MTA3: variants seen among roughly 807,000 people sequenced by gnomAD.
MTA3 encodes metastasis-associated protein MTA3.
A neutral mutation model predicts 83.5 loss-of-function variants in MTA3; 34 were observed. The ratio of observed to expected loss-of-function variants is 0.41; its 90% CI spans 0.31 to 0.54. The LOEUF (loss-of-function observed/expected upper bound fraction) is 0.54, where lower values mean the gene tolerates loss of function less well. Ranked by LOEUF, MTA3 falls within the 20% of genes least tolerant of loss-of-function variation. The probability of loss-of-function intolerance (pLI) is 0.33; values close to 1 mark genes in which losing one functional copy is unlikely to be tolerated. For missense variants in MTA3, 761 were observed against 726.4 expected (o/e 1.05, Z -0.55); for synonymous variants, 303 against 252.7 (o/e 1.20, Z -1.89).
rs995733257 is a variant in MTA3 at position 42,653,040 on chromosome 2, A to G, written c.500-3160A>G. Reference sequence around the variant, plus strand: ...GAACAACACTGTGCTCAAAATTCTTAAGAAGTACTTTGTCAGTATTTTGTA... The same window carrying G: ...GAACAACACTGTGCTCAAAATTCTTGAGAAGTACTTTGTCAGTATTTTGTA... On this transcript the variant is annotated intron_variant, in intron 6 of 16. Coordinates refer to ENST00000405094, the MANE Select transcript of MTA3 (RefSeq NM_001330442.2). Among the ~76,000 whole-genome samples the G allele has an allele frequency of 2.6e-5, 4 of 152,246 alleles. No individual in the cohort carries two copies. In the East Asian group the frequency reaches 7.7e-4, roughly 29 times the overall value.
intron 4 of MTA3, among the ~76,000 whole-genome samples, chr2:42,624,910 A>G (rs1055018880): frequency 1.4e-4 from 21 of 152,106 alleles, no homozygotes; most frequent in African/African-American, 4.1e-4. Flanking sequence ...CATGTTATCT[A>G]TTTCCTCTCT....
intron 6 of MTA3, among the ~76,000 whole-genome samples, chr2:42,647,013 G>A (rs185236447): frequency 0.014 from 2,134 of 151,154 alleles, 51 homozygotes; most frequent in African/African-American, 0.048. Context: ...AAAATTAGCC[G>A]GGCGTGGTGG....
chr2:42,550,402 G>A (rs368512095), intron 2 of MTA3, among the ~76,000 whole-genome samples: 17 of 152,276 alleles, frequency 1.1e-4, no homozygotes, highest in East Asian at 9.7e-4. Context: ...AAGCATCTCC[G>A]AAGATAAGGT....
chr2:42,587,983 C>A (rs1680541265), intron 3 of MTA3, among the ~76,000 whole-genome samples: 1 of 152,072 alleles, frequency 6.6e-6, no homozygotes, highest in African/African-American at 2.4e-5. Flanking sequence ...AAATGTAAAA[C>A]TATTTACATT....
In MTA3 at chr2:42,640,189, G is replaced by A; in HGVS notation, c.334G>A (p.Ala112Thr). 6.2e-7 allele frequency: 1 copy of A among 1,606,678 alleles called. No homozygotes were observed. The highest frequency in any genetic ancestry group is 8.5e-7 in the Non-Finnish European group (1 of 1,177,250). The change falls in exon 5 of 17, where the codon GCC becomes ACC. Residue 112 changes from alanine to threonine, a missense_variant. Ala to Thr is a moderately conservative substitution (Grantham distance 58). Transcript: ENST00000405094. ...ATHIRGKCSVALLNETESVLS... is the reference protein window; with the variant it reads ...ATHIRGKCSVTLLNETESVLS... Reference sequence around the variant, plus strand: ...TTTCAACAGGGGAAAGTGCAGTGTTGCCCTTCTGAATGAGACAGAATCAGT... The same window carrying A: ...TTTCAACAGGGGAAAGTGCAGTGTTACCCTTCTGAATGAGACAGAATCAGT...
intron 16 of MTA3, among the ~76,000 whole-genome samples, chr2:42,728,751 G>A (rs564746539): frequency 2.0e-5 from 3 of 152,232 alleles, no homozygotes; most frequent in East Asian, 3.9e-4. Flanking sequence ...CCATTTGTAT[G>A]TCTTCTTTTG....
intron 9 of MTA3, chr2:42,682,852 C>A: frequency 2.6e-6 from 1 of 380,608 alleles, no homozygotes; most frequent in Non-Finnish European, 4.9e-6. Flanking sequence ...GTGGGTGAAT[C>A]ACAAGGTCAG....
chr2:42,700,541 C>T (rs1693772893), intron 11 of MTA3, among the ~76,000 whole-genome samples: 1 of 152,168 alleles, frequency 6.6e-6, no homozygotes, highest in Admixed American at 6.5e-5. Context: ...TTTTTTAAGG[C>T]AGCTCAACTG....
Position 42,643,885 on chromosome 2 carries a change from A to G in MTA3, c.382-242A>G, listed in dbSNP as rs1687923595. ...ATGGTTTTCTTTTAGACTAAAACAA[A>G]TAATAGAACTTTATAATCTACTTTG... On this transcript the variant is annotated intron_variant, in intron 5 of 16. Transcript: ENST00000405094. Among the ~76,000 whole-genome samples, 3 of 152,340 alleles carry G rather than the reference A, an allele frequency of 2.0e-5. No homozygotes were observed. The South Asian group carries it at 6.2e-4, about 32-fold the overall frequency.
chr2:42,695,913 G>C (rs193264397), intron 10 of MTA3, 74 bp downstream of exon 10: 1 of 991,634 alleles, frequency 1.0e-6, no homozygotes, highest in African/African-American at 1.7e-5. Context: ...ATATTTTTTG[G>C]CGATGTACTA....
intron 4 of MTA3, among the ~76,000 whole-genome samples, chr2:42,629,921 GC>G (rs1359072672): frequency 1.3e-5 from 2 of 152,046 alleles, no homozygotes; most frequent in Non-Finnish European, 2.9e-5. Flanking sequence ...TGGGATTACA[GC>G]GGCCTGTCAC....
intron 2 of MTA3, among the ~76,000 whole-genome samples, chr2:42,553,047 C>T (rs1214466491): frequency 1.3e-5 from 2 of 151,590 alleles, no homozygotes; most frequent in Non-Finnish European, 2.9e-5. Flanking sequence ...AAGGCCGAGG[C>T]AAGAGGATTG....
At chr2:42,506,561 T>C (rs1310594239) in intron 2 of MTA3, among the ~76,000 whole-genome samples, 1 of 152,064 alleles carries the variant, frequency 6.6e-6, no homozygotes, top group Non-Finnish European at 1.5e-5. Flanking sequence ...TCCTTCAGAT[T>C]GGATCTGAAA....
chr2:42,699,715 CTG>C (rs767331077), intron 11 of MTA3, among the ~76,000 whole-genome samples: 1 of 152,108 alleles, frequency 6.6e-6, no homozygotes, highest in African/African-American at 2.4e-5. Context: ...AGCTCAGAAA[CTG>C]TGGCAGAGAA....
chr2:42,714,430 A>G (rs1390989571), intron 14 of MTA3, among the ~76,000 whole-genome samples: 1 of 152,104 alleles, frequency 6.6e-6, no homozygotes, highest in Non-Finnish European at 1.5e-5. Context: ...CTTTAAAAAT[A>G]CCTTTCCAGT....
chr2:42,582,343 C>G (rs1328302715), intron 3 of MTA3, among the ~76,000 whole-genome samples: 1 of 152,216 alleles, frequency 6.6e-6, no homozygotes, highest in Admixed American at 6.5e-5. Context: ...CAGGCGTGAG[C>G]CACTGCGCCC....
Position 42,714,202 on chromosome 2 carries a change from T to G in MTA3, c.1526-4786T>G, listed in dbSNP as rs1666859648. ...ACCATTTATCTCCTTTTCTGTCAAC[T>G]GTTTTTGCCCGTGGCCTGTTTTCTA... On this transcript the variant is annotated intron_variant, in intron 14 of 16. Transcript: ENST00000405094. Among the ~76,000 whole-genome samples the G allele has an allele frequency of 2.0e-5, 3 of 152,246 alleles. No homozygotes were observed. The South Asian group carries it at 6.2e-4, about 32-fold the overall frequency.
At chr2:42,516,872 C>G (rs1047210017) in intron 2 of MTA3, among the ~76,000 whole-genome samples, 1 of 152,190 alleles carries the variant, frequency 6.6e-6, no homozygotes, top group African/African-American at 2.4e-5. Flanking sequence ...TGCCTGTCGT[C>G]ACAGCACTTT....
intron 2 of MTA3, among the ~76,000 whole-genome samples, chr2:42,577,134 A>ATATATATATATATATATATATATAT (rs1558451250): frequency 1.0e-5 from 1 of 96,724 alleles, no homozygotes; most frequent in African/African-American, 4.3e-5. Context: ...ATATATATAT[A>ATATATATATATATATATATATATAT]AAAATGAACT....
Sources: gnomAD v4.1 joint callset for allele counts (sites outside exome capture counted in the v4.1 genomes callset) on GRCh38, gnomAD v4.1.1 for gene constraint, MANE v1.5 for transcripts, NCBI Gene and HGNC (gene_info 2026-07-23, HGNC 2026-07-21) for gene names.